THSD4: variants seen among roughly 807,000 people sequenced by gnomAD.
The protein encoded by THSD4 is thrombospondin type 1 domain containing 4, also known as thrombospondin type-1 domain-containing protein 4.
A neutral mutation model predicts 119.0 loss-of-function variants in THSD4; 69 were observed. The observed-to-expected ratio is 0.58, with a 90% CI of 0.48 to 0.71. The LOEUF (loss-of-function observed/expected upper bound fraction) is 0.71. THSD4 is among the 30% of genes least tolerant of loss of function. The pLI is 0.00. For missense variants in THSD4, 1,393 were observed against 1,391.1 expected, an observed-to-expected ratio of 1.00 and a Z score of -0.02; for synonymous variants, 524 against 540.4, an observed-to-expected ratio of 0.97 and a Z score of 0.42.
chr15:71,274,707 G>T (rs2044570720), intron 6 of THSD4, among the ~76,000 whole-genome samples: 1 of 152,146 alleles, frequency 6.6e-6, no homozygotes, highest in South Asian at 2.1e-4. Flanking sequence ...ACCTACCTCT[G>T]TAAGTCTTTC....
At chr15:71,301,530 T>C (rs2140338017) in intron 6 of THSD4, among the ~76,000 whole-genome samples, 1 of 152,336 alleles carries the variant, frequency 6.6e-6, no homozygotes, top group South Asian at 2.1e-4. Context: ...GGGTAAAAAA[T>C]GAGATCTCTT....
At position 71,578,900 on chromosome 15, in the gene THSD4, G is replaced by A. The variant is rs1412808464; in HGVS notation, c.1153-81630G>A. On this transcript the variant is annotated intron_variant, in intron 7 of 17. Coordinates refer to ENST00000261862, the MANE Select transcript of THSD4 (RefSeq NM_024817.3). ...GCTGTGTCGCCCAGGCTGGAGTGTA[G>A]TGGCACAATCTCGGCTCACTGCAAG... is the stretch of plus-strand genomic sequence containing the variant. 2.8e-5 allele frequency among the ~76,000 whole-genome samples: 4 copies of A among 144,772 alleles called. No individual in the cohort carries two copies. The East Asian group carries it at 8.1e-4, about 29-fold the overall frequency. 95.0% of individuals were successfully genotyped at this position (144,772 alleles called of 152,430 possible).
chr15:71,373,891 C>T (rs543120089), intron 6 of THSD4, among the ~76,000 whole-genome samples: 1 of 152,188 alleles, frequency 6.6e-6, no homozygotes, highest in African/African-American at 2.4e-5. Context: ...CATGATGGTC[C>T]CTGAGAATTA....
At chr15:71,225,551 C>CTTTTTTTTTTTTT in intron 4 of THSD4, among the ~76,000 whole-genome samples, 1 of 41,234 alleles carries the variant, frequency 2.4e-5, no homozygotes, top group African/African-American at 1.0e-4. Flanking sequence ...TTTTTTTTTT[C>CTTTTTTTTTTTTT]TTTTTTTTTT....
intron 6 of THSD4, among the ~76,000 whole-genome samples, chr15:71,368,141 T>C (rs2045991799): frequency 1.3e-5 from 2 of 151,872 alleles, no homozygotes; most frequent in Admixed American, 6.6e-5. Flanking sequence ...GTTTGTTTTT[T>C]TCTTGTAAAT....
At chr15:71,326,723 ATATT>A (rs1219272687) in intron 6 of THSD4, among the ~76,000 whole-genome samples, 2 of 96,880 alleles carry the variant, frequency 2.1e-5, no homozygotes, top group African/African-American at 6.7e-5. Flanking sequence ...ATATATATAT[ATATT>A]AGCTGGGTGT....
intron 6 of THSD4, among the ~76,000 whole-genome samples, chr15:71,369,610 C>G (rs915554844): frequency 5.9e-5 from 9 of 152,252 alleles, no homozygotes; most frequent in Admixed American, 5.9e-4. Flanking sequence ...GTTGAACCAG[C>G]CTTGCATCCC....
chr15:71,614,447 T>TA (rs2050287963), intron 7 of THSD4, among the ~76,000 whole-genome samples: 1 of 152,196 alleles, frequency 6.6e-6, no homozygotes, highest in Non-Finnish European at 1.5e-5. Context: ...TCCTCCCTGC[T>TA]AGTCTCCATC....
At chr15:71,540,463 C>T (rs2048744141) in intron 7 of THSD4, among the ~76,000 whole-genome samples, 1 of 120,548 alleles carries the variant, frequency 8.3e-6, no homozygotes. Flanking sequence ...AAACGAGTCT[C>T]TGTCACCCAG....
At chr15:71,312,400 C>T (rs2045123969) in intron 6 of THSD4, among the ~76,000 whole-genome samples, 1 of 151,878 alleles carries the variant, frequency 6.6e-6, no homozygotes, top group African/African-American at 2.4e-5. Flanking sequence ...TGGGTCTTAA[C>T]CTAATCTGAC....
chr15:71,735,784 CT>C (rs1286636348), intron 10 of THSD4, among the ~76,000 whole-genome samples: 1 of 151,224 alleles, frequency 6.6e-6, no homozygotes, highest in Admixed American at 6.6e-5. Context: ...CTGTCTCTGT[CT>C]CTCCTGCTCT....
chr15:71,712,889 G>T (rs1401342180), intron 8 of THSD4, among the ~76,000 whole-genome samples: 1 of 152,200 alleles, frequency 6.6e-6, no homozygotes, highest in Non-Finnish European at 1.5e-5. Context: ...AAAACCCATA[G>T]GTGTGGAGAA....
At chr15:71,526,888 C>T (rs1396624528) in intron 7 of THSD4, among the ~76,000 whole-genome samples, 1 of 152,176 alleles carries the variant, frequency 6.6e-6, no homozygotes, top group East Asian at 1.9e-4. Flanking sequence ...GAATGAGGCA[C>T]AATTTATGGT....
intron 3 of THSD4, among the ~76,000 whole-genome samples, chr15:71,172,682 CATATATATATATATATATAT>C (rs71152331): frequency 0.03 from 724 of 24,238 alleles, 23 homozygotes; most frequent in Middle Eastern, 0.19. Flanking sequence ...TAGACCTATA[CATATATATATATATATATAT>C]ATATATATAT....
chr15:71,687,012 G>A (rs946599590), intron 8 of THSD4, among the ~76,000 whole-genome samples: 5 of 152,098 alleles, frequency 3.3e-5, no homozygotes, highest in Admixed American at 1.3e-4. Context: ...CTACCAGCAC[G>A]CAGATGAACA....
At chr15:71,483,925 T>A (rs1470848944) in intron 7 of THSD4, among the ~76,000 whole-genome samples, 1 of 152,184 alleles carries the variant, frequency 6.6e-6, no homozygotes, top group Non-Finnish European at 1.5e-5. Flanking sequence ...AAGGACACGA[T>A]CTCGTTCCTT....
At chr15:71,709,599 C>T (rs762454871) in intron 8 of THSD4, among the ~76,000 whole-genome samples, 7 of 152,194 alleles carry the variant, frequency 4.6e-5, no homozygotes, top group Non-Finnish European at 8.8e-5. Context: ...TAACTGGAAA[C>T]GCTGGGAAGA....
intron 15 of THSD4, 46 bp from the exon 16 acceptor site, chr15:71,764,974 C>T: frequency 6.3e-7 from 1 of 1,575,792 alleles, no homozygotes. Flanking sequence ...AGCTGCCACC[C>T]CCTTTCCATC....
intron 7 of THSD4, among the ~76,000 whole-genome samples, chr15:71,423,090 G>T (rs951828790): frequency 6.6e-6 from 1 of 152,112 alleles, no homozygotes; most frequent in African/African-American, 2.4e-5. Flanking sequence ...AGAGCAGTTG[G>T]CTCCCCTCTG....
Sources: allele counts gnomAD v4.1 joint callset (sites outside exome capture counted in the v4.1 genomes callset), GRCh38; gene constraint gnomAD v4.1.1; transcripts MANE v1.5; gene names NCBI Gene and HGNC (gene_info 2026-07-23, HGNC 2026-07-21).